The following SERINC5 variants were observed in gnomAD, a reference collection of about 807,000 sequenced individuals.
The protein encoded by SERINC5 is serine incorporator 5, also known as chromosome 5 open reading frame 12.
In SERINC5, 41 loss-of-function variants were observed where a neutral mutation model predicts 63.1. The ratio of observed to expected loss-of-function variants is 0.65; its 90% CI spans 0.51 to 0.84. The LOEUF (loss-of-function observed/expected upper bound fraction) is 0.84. Ranked by LOEUF, SERINC5 falls within the 40% of genes least tolerant of loss-of-function variation. SERINC5 has a pLI of 0.00. For missense variants in SERINC5, 523 were observed against 573.0 expected, an observed-to-expected ratio of 0.91 and a Z score of 0.89; for synonymous variants, 222 against 215.2, an observed-to-expected ratio of 1.03 and a Z score of -0.28.
chr5:80,244,459 G>T (rs147329139), intron 1 of SERINC5, among the ~76,000 whole-genome samples: 1 of 151,668 alleles, frequency 6.6e-6, no homozygotes, highest in Non-Finnish European at 1.5e-5. Flanking sequence ...CAAGTGATAC[G>T]CTGCCTCAGC....
chr5:80,157,751 CAAG>C (rs1404835148), intron 8 of SERINC5: 1 of 152,198 alleles, frequency 6.6e-6, no homozygotes, highest in Non-Finnish European at 1.5e-5. Flanking sequence ...TCTGCAACAA[CAAG>C]GAGACTCTGT....
chr5:80,154,601 C>A (rs147743488), intron 8 of SERINC5, among the ~76,000 whole-genome samples: 274 of 152,116 alleles, frequency 1.8e-3, no homozygotes, highest in Middle Eastern at 3.4e-3. Context: ...TCCCCACCCC[C>A]CCATAAAGGC....
chr5:80,224,581 G>A (rs1363919690), intron 1 of SERINC5, among the ~76,000 whole-genome samples: 1 of 152,088 alleles, frequency 6.6e-6, no homozygotes, highest in Admixed American at 6.6e-5. Flanking sequence ...ATAGGCAGCA[G>A]AAACAATAGT....
At chr5:80,149,302 C>T (rs1746020523) in intron 9 of SERINC5, among the ~76,000 whole-genome samples, 1 of 152,186 alleles carries the variant, frequency 6.6e-6, no homozygotes, top group Non-Finnish European at 1.5e-5. Context: ...AGACCATTCT[C>T]TTCTCTATAA....
intron 7 of SERINC5, among the ~76,000 whole-genome samples, chr5:80,164,908 C>CTGTTT (rs1449654096): frequency 1.1e-5 from 1 of 89,994 alleles, no homozygotes; most frequent in African/African-American, 5.2e-5. Flanking sequence ...AACTTTTTTT[C>CTGTTT]TGTTTTTTTT....
intron 11 of SERINC5, among the ~76,000 whole-genome samples, chr5:80,130,358 C>T (rs1435693874): frequency 6.6e-6 from 1 of 150,914 alleles, no homozygotes; most frequent in Non-Finnish European, 1.5e-5. Flanking sequence ...CCAACCTGGG[C>T]AACAAAGCGA....
intron 11 of SERINC5, chr5:80,129,217 C>T (rs926560794): frequency 1.3e-5 from 2 of 152,198 alleles, no homozygotes; most frequent in Non-Finnish European, 2.9e-5. Context: ...CATTTGGGTA[C>T]ATTTCCTTTG....
intron 2 of SERINC5, among the ~76,000 whole-genome samples, chr5:80,186,819 G>T (rs865783145): frequency 6.6e-6 from 1 of 152,120 alleles, no homozygotes; most frequent in Non-Finnish European, 1.5e-5. Context: ...AGAGGAAGTA[G>T]GTGAAAGTTG....
chr5:80,177,215 T>C, intron 4 of SERINC5, 100 bp downstream of exon 4: 1 of 786,974 alleles, frequency 1.3e-6, no homozygotes, highest in Non-Finnish European at 2.1e-6. Flanking sequence ...AGAAAATCAG[T>C]AATTCTAACT....
chr5:80,154,349 T>C (rs1257540410), intron 8 of SERINC5, among the ~76,000 whole-genome samples: 1 of 152,162 alleles, frequency 6.6e-6, no homozygotes, highest in African/African-American at 2.4e-5. Flanking sequence ...CCGGCTAATT[T>C]TGTATTTTTA....
intron 1 of SERINC5, among the ~76,000 whole-genome samples, chr5:80,250,460 GC>G (rs770982929): frequency 1.1e-4 from 16 of 152,206 alleles, no homozygotes; most frequent in Non-Finnish European, 1.9e-4. Flanking sequence ...TCCTGCCTCA[GC>G]CTCCTGAGTA....
intron 11 of SERINC5, chr5:80,114,517 G>C (rs575791529): frequency 1.5e-5 from 3 of 205,116 alleles, no homozygotes; most frequent in East Asian, 1.8e-4. Flanking sequence ...AGCTCACCAT[G>C]GTGGCACATG....
At chr5:80,135,933 C>G (rs767113506), downstream of SERINC5, among the ~76,000 whole-genome samples, 1 of 151,430 alleles carries the variant, frequency 6.6e-6, no homozygotes, top group East Asian at 1.9e-4. Flanking sequence ...AGTAGGATGA[C>G]GGTTGCCACA....
intron 6 of SERINC5, among the ~76,000 whole-genome samples, chr5:80,169,115 GT>G (rs1402152030): frequency 2.0e-5 from 3 of 152,106 alleles, no homozygotes; most frequent in Non-Finnish European, 4.4e-5. Context: ...ACTTCGTTAC[GT>G]TCAGGTCTTT....
At chr5:80,154,602 C>G (rs183715441) in intron 8 of SERINC5, among the ~76,000 whole-genome samples, 7 of 152,016 alleles carry the variant, frequency 4.6e-5, no homozygotes, top group East Asian at 1.9e-4. Context: ...CCCCACCCCC[C>G]CATAAAGGCC....
chr5:80,143,198 A>G lies in SERINC5; in HGVS notation c.*465T>C, dbSNP rs528194903. On this transcript the variant is annotated 3_prime_UTR_variant, in exon 12 of 12. Transcript: ENST00000507668. ...CCCTGCAGGCTGAGTCCTGTCCTCA[A>G]AGCCCCCTGGGGACAAGGCTCTAAG... 1.0e-6 allele frequency: 1 copy of G among 987,428 alleles called. No homozygotes were observed. The highest frequency in any genetic ancestry group is 1.1e-4 in the East Asian group (1 of 8,862). The allele number at this position is 987,428 out of a possible 1,614,324, so 61.2% of individuals were successfully genotyped here. A position where few individuals can be genotyped will look rare whatever the true frequency, so the allele number is the denominator to read the frequency against.
intron 1 of SERINC5, among the ~76,000 whole-genome samples, chr5:80,207,622 A>G (rs1750236486): frequency 2.0e-5 from 3 of 152,258 alleles, no homozygotes; most frequent in East Asian, 1.9e-4. Context: ...TGATTTTCCA[A>G]ATTTCATTTT....
At chr5:80,221,093 TG>T (rs1035833695) in intron 1 of SERINC5, among the ~76,000 whole-genome samples, 2 of 152,100 alleles carry the variant, frequency 1.3e-5, no homozygotes, top group Non-Finnish European at 2.9e-5. Flanking sequence ...CTTGGCTCAA[TG>T]GTACTCCAAA....
chr5:80,210,833 G>A (rs992212995), intron 1 of SERINC5, among the ~76,000 whole-genome samples: 2 of 152,156 alleles, frequency 1.3e-5, no homozygotes, highest in African/African-American at 4.8e-5. Flanking sequence ...CTTGTAAGTC[G>A]AAGAAGCCCA....
Sources: allele counts gnomAD v4.1 joint callset (sites outside exome capture counted in the v4.1 genomes callset), GRCh38; gene constraint gnomAD v4.1.1; transcripts MANE v1.5; gene names NCBI Gene and HGNC (gene_info 2026-07-23, HGNC 2026-07-21).